ADAMTS20: variants seen among roughly 807,000 people sequenced by gnomAD.
ADAMTS20 encodes the protein ADAM metallopeptidase with thrombospondin type 1 motif 20.
Under a neutral mutation model 260.1 loss-of-function variants are expected in ADAMTS20, and 225 were observed. That is an observed-to-expected ratio of 0.87 (90% CI 0.78 to 0.97). The LOEUF (loss-of-function observed/expected upper bound fraction) is 0.97, where lower values mean the gene tolerates loss of function less well. ADAMTS20 is among the 50% of genes least tolerant of loss of function. The pLI is 0.00. For synonymous variants in ADAMTS20, 802 were observed against 769.5 expected (o/e 1.04, Z -0.70); for missense variants, 2,400 against 2,337.7 (o/e 1.03, Z -0.55).
At chr12:43,459,665 T>C (rs1026885249) in intron 11 of ADAMTS20, among the ~76,000 whole-genome samples, 2 of 152,254 alleles carry the variant, frequency 1.3e-5, no homozygotes, top group African/African-American at 4.8e-5. Context: ...TAGGCCCTTG[T>C]TAAATCTTTG....
At chr12:43,485,328 A>T (rs1942507147) in intron 7 of ADAMTS20, among the ~76,000 whole-genome samples, 1 of 152,146 alleles carries the variant, frequency 6.6e-6, no homozygotes, top group Non-Finnish European at 1.5e-5. Context: ...GAACTATATG[A>T]TCATATCAAT....
intron 2 of ADAMTS20, among the ~76,000 whole-genome samples, chr12:43,547,576 G>A (rs919791794): frequency 3.9e-5 from 6 of 152,182 alleles, no homozygotes; most frequent in African/African-American, 1.2e-4. Context: ...AGAAGAGTTC[G>A]ACAAAGAGAG....
chr12:43,520,897 T>TC (rs1483680048), intron 3 of ADAMTS20, among the ~76,000 whole-genome samples: 1 of 152,238 alleles, frequency 6.6e-6, no homozygotes, highest in Non-Finnish European at 1.5e-5. Context: ...CTCTCATGTT[T>TC]CTTTTTGTTT....
intron 27 of ADAMTS20, among the ~76,000 whole-genome samples, 191 bp downstream of exon 27, chr12:43,427,117 G>C (rs1169514953): frequency 6.6e-6 from 1 of 152,116 alleles, no homozygotes. Flanking sequence ...AGGTTGCAGT[G>C]AGTCGAGATC....
At chr12:43,389,577 G>A (rs1303302208) in intron 29 of ADAMTS20, among the ~76,000 whole-genome samples, 1 of 152,106 alleles carries the variant, frequency 6.6e-6, no homozygotes, top group Non-Finnish European at 1.5e-5. Flanking sequence ...ATTGTAGTTT[G>A]GTGCCTATGG....
chr12:43,495,741 A>G (rs1942669180), intron 4 of ADAMTS20, among the ~76,000 whole-genome samples: 1 of 152,178 alleles, frequency 6.6e-6, no homozygotes, highest in African/African-American at 2.4e-5. Context: ...GGGGTAAAAG[A>G]TACAAAAACA....
chr12:43,470,650 G>C (rs1017471140), intron 7 of ADAMTS20, among the ~76,000 whole-genome samples: 2 of 152,148 alleles, frequency 1.3e-5, no homozygotes, highest in Admixed American at 1.3e-4. Context: ...GCTGCATACA[G>C]CCACCCAATC....
intron 14 of ADAMTS20, among the ~76,000 whole-genome samples, chr12:43,448,000 C>T (rs771318381): frequency 9.9e-5 from 15 of 152,090 alleles, no homozygotes; most frequent in Non-Finnish European, 1.6e-4. Context: ...ATGACACAAA[C>T]AAATGAAAAA....
At chr12:43,520,042 C>A (rs1454342253) in intron 3 of ADAMTS20, among the ~76,000 whole-genome samples, 1 of 152,022 alleles carries the variant, frequency 6.6e-6, no homozygotes, top group Non-Finnish European at 1.5e-5. Flanking sequence ...GTTCTTTTAC[C>A]ACAGCCTGTA....
At chr12:43,455,414 C>G (rs1304494749) in intron 11 of ADAMTS20, among the ~76,000 whole-genome samples, 1 of 152,160 alleles carries the variant, frequency 6.6e-6, no homozygotes, top group African/African-American at 2.4e-5. Flanking sequence ...TCCAAGATAG[C>G]ACCTTGCACA....
chr12:43,448,718 A>G (rs1404236957), intron 14 of ADAMTS20, among the ~76,000 whole-genome samples: 1 of 152,196 alleles, frequency 6.6e-6, no homozygotes, highest in Non-Finnish European at 1.5e-5. Flanking sequence ...AGAATGGGGG[A>G]AAATATCTGC....
Position 43,551,165 on chromosome 12 carries a change from C to T in ADAMTS20, c.197G>A (p.Arg66His), listed in dbSNP as rs1414887943. 1.2e-6 allele frequency: 2 copies of T among 1,613,916 alleles called. No individual in the cohort carries two copies. Among genetic ancestry groups the T allele is most frequent in the Admixed American group, 1.7e-5 (1 of 60,010 alleles). The change falls in exon 2 of 39, where the codon CGC becomes CAC. Residue 66 changes from arginine (R) to histidine (H), a missense_variant. Physicochemically the swap from Arg to His is conservative, Grantham distance 29. Coordinates refer to ENST00000389420, the MANE Select transcript of ADAMTS20 (RefSeq NM_025003.5). The surrounding 1 kb of genome is among the most constrained non-coding windows in gnomAD (Gnocchi z 4.6). ...CATGGGTTCCAGCGCCTCGGAGCTG[C>T]GTTTCTGCCGGCTGAAGTGGTGGCT... Reference protein sequence around the residue: ...PQSHHFSRQKRSSEALEPMPF... With the variant: ...PQSHHFSRQKHSSEALEPMPF...
intron 4 of ADAMTS20, 98 bp downstream of exon 4, chr12:43,502,054 C>T (rs977307500): frequency 1.2e-5 from 14 of 1,159,930 alleles, no homozygotes; most frequent in Admixed American, 6.5e-5. Flanking sequence ...TACAAAATTA[C>T]ATCTAAAGAG....
chr12:43,466,682 C>T lies in ADAMTS20; in HGVS notation c.1337G>A (p.Cys446Tyr). Residue 446 changes from cysteine (C) to tyrosine (Y), a missense_variant, in exon 9 of 39, where the codon TGT (cysteine) becomes TAT (tyrosine). Cys to Tyr is a radical substitution (Grantham distance 194). Transcript: ENST00000389420. ...FHMSPWSWSN[C>Y]SRKYVTEFLD... Reference sequence around the variant, plus strand: ...GAATTCAGTAACATATTTCCGACTACAGTTTGACCAGCTCCAAGGACTCAT... The same window carrying T: ...GAATTCAGTAACATATTTCCGACTATAGTTTGACCAGCTCCAAGGACTCAT... 6 of 1,610,056 alleles carry T rather than the reference C, an allele frequency of 3.7e-6. No homozygotes were observed. Among genetic ancestry groups the T allele is most frequent in the Non-Finnish European group, 5.1e-6 (6 of 1,178,062 alleles).
intron 14 of ADAMTS20, among the ~76,000 whole-genome samples, chr12:43,451,665 C>T (rs1042078833): frequency 8.5e-5 from 13 of 152,104 alleles, no homozygotes; most frequent in African/African-American, 3.1e-4. Flanking sequence ...AAACTCCTTT[C>T]AATATCTCCA....
chr12:43,373,471 A>G (rs992671009), intron 36 of ADAMTS20, among the ~76,000 whole-genome samples: 3 of 152,080 alleles, frequency 2.0e-5, no homozygotes, highest in Admixed American at 6.5e-5. Context: ...TGGGCCACAC[A>G]TAAAATACAC....
Position 43,551,262 on chromosome 12 carries a change from C to A in ADAMTS20, c.100G>T (p.Val34Leu). ...ACTTCGTAGGAGGTCAGTGTCCTCA[C>A]CAGGGCTTCTGCAACAACAGCGACA... is the stretch of plus-strand genomic sequence containing the variant. ...VDFHPRQEAL[V>L]RTLTSYEVVI... Residue 34 changes from valine (V) to leucine (L), a missense_variant, in exon 2 of 39, where the codon GTG becomes TTG. By Grantham distance (32) the Val-to-Leu change is conservative. Transcript: ENST00000389420. This position sits in a 1 kb window ranked among gnomAD's most constrained non-coding sequence, Gnocchi z 4.6. 1 of 1,610,400 alleles carries A rather than the reference C, an allele frequency of 6.2e-7. No homozygotes were observed. Among genetic ancestry groups the A allele is most frequent in the Non-Finnish European group, 8.5e-7 (1 of 1,177,194 alleles).
At chr12:43,477,354 G>A (rs1182645753) in intron 7 of ADAMTS20, among the ~76,000 whole-genome samples, 5 of 152,062 alleles carry the variant, frequency 3.3e-5, no homozygotes, top group Non-Finnish European at 7.4e-5. Context: ...GATAATGCAA[G>A]AAATATATTC....
chr12:43,530,925 A>C (rs1943212254), intron 3 of ADAMTS20, among the ~76,000 whole-genome samples: 1 of 152,040 alleles, frequency 6.6e-6, no homozygotes, highest in South Asian at 2.1e-4. Context: ...TGGTGAAACT[A>C]TAATATTGAT....
Sources: allele counts gnomAD v4.1 joint callset (sites outside exome capture counted in the v4.1 genomes callset), GRCh38; gene constraint gnomAD v4.1.1; non-coding constraint Gnocchi (gnomAD v3.1); transcripts MANE v1.5; gene names NCBI Gene and HGNC (gene_info 2026-07-23, HGNC 2026-07-21).